DIPK2A: variants seen among roughly 807,000 people sequenced by gnomAD.
DIPK2A encodes Golgi Protein of 49 kDa.
Under a neutral mutation model 39.0 loss-of-function variants are expected in DIPK2A, and 27 were observed. The observed-to-expected ratio is 0.69, with a 90% CI of 0.51 to 0.96. DIPK2A has a LOEUF of 0.96. Ranked by LOEUF, DIPK2A falls within the 40% of genes least tolerant of loss-of-function variation. DIPK2A has a pLI of 0.00. For missense variants in DIPK2A, 528 were observed against 571.3 expected (o/e 0.92, Z 0.77); for synonymous variants, 298 against 240.8 (o/e 1.24, Z -2.20).
At chr3:143,988,565 C>CT (rs1374385792) in intron 2 of DIPK2A, among the ~76,000 whole-genome samples, 2 of 152,124 alleles carry the variant, frequency 1.3e-5, no homozygotes, top group African/African-American at 4.8e-5. Context: ...CCCTATACAG[C>CT]TAGCTATTTG....
rs896344627 is a variant in DIPK2A, at chr3:143,972,099, G to A, written c.-234G>A. Reference sequence around the variant, plus strand: ...GGAGTCGGAGGGCGGGGAGCTAGGAGGAGGGAGCTCGAGAGTTGTGGAGAC... The same window carrying A: ...GGAGTCGGAGGGCGGGGAGCTAGGAAGAGGGAGCTCGAGAGTTGTGGAGAC... On this transcript the variant is annotated 5_prime_UTR_variant, in exon 1 of 3. Coordinates refer to ENST00000315691, the MANE Select transcript of DIPK2A (RefSeq NM_173552.5). 3 of 393,248 alleles carry A rather than the reference G, an allele frequency of 7.6e-6. No homozygotes were observed. Among genetic ancestry groups the A allele is most frequent in the South Asian group, 1.3e-4 (1 of 7,508 alleles). 24.4% of individuals were successfully genotyped at this position (393,248 alleles called of 1,614,324 possible). A position where few individuals can be genotyped will look rare whatever the true frequency, so the allele number is the denominator to read the frequency against.
At chr3:143,987,448 A>T (rs370886144) in intron 2 of DIPK2A, among the ~76,000 whole-genome samples, 1 of 152,076 alleles carries the variant, frequency 6.6e-6, no homozygotes, top group African/African-American at 2.4e-5. Flanking sequence ...TTTCTTTTCA[A>T]ATGTCTCATG....
chr3:143,972,272 T>G lies in DIPK2A; in HGVS notation c.-61T>G. 7.5e-7 allele frequency: 1 copy of G among 1,332,620 alleles called. No individual in the cohort carries two copies. The highest frequency in any genetic ancestry group is 9.6e-7 in the Non-Finnish European group (1 of 1,044,208). The allele number at this position is 1,332,620 out of a possible 1,614,324, so 82.5% of individuals were successfully genotyped here. A position where few individuals can be genotyped will look rare whatever the true frequency, so the allele number is the denominator to read the frequency against. On this transcript the variant is annotated 5_prime_UTR_variant, in exon 1 of 3. Coordinates refer to ENST00000315691, the MANE Select transcript of DIPK2A (RefSeq NM_173552.5). ...GTTCCTGCCGGTAGCTCTCCGGGTC[T>G]TGGCGCGGCGGGGGCGCCCCGGGGG...
At position 143,989,761 on chromosome 3, in the gene DIPK2A, C is replaced by G; in HGVS notation, c.1213C>G (p.Pro405Ala). The G allele has an allele frequency of 6.2e-7, 1 of 1,614,186 alleles. No homozygotes were observed. The highest frequency in any genetic ancestry group is 2.2e-5 in the East Asian group (1 of 44,888). ...GGCCTTGCTGGATGAGTGTGCCAAC[C>G]CAAAGAAGCGCTATGGCAGATTCCA... is the stretch of plus-strand genomic sequence containing the variant. ...LEALLDECAN[P>A]KKRYGRFQAA... The change falls in exon 3 of 3, where the codon CCA becomes GCA. Residue 405 changes from proline (P) to alanine (A), a missense_variant. By Grantham distance (27) the Pro-to-Ala change is conservative. Coordinates refer to ENST00000315691, the MANE Select transcript of DIPK2A (RefSeq NM_173552.5).
rs1165933265 is a variant in DIPK2A at position 143,972,876 on chromosome 3, C to T, written c.544C>T (p.Arg182Cys). 3 of 1,576,868 alleles carry T rather than the reference C, an allele frequency of 1.9e-6. No homozygotes were observed. Among genetic ancestry groups the T allele is most frequent in the Non-Finnish European group, 2.6e-6 (3 of 1,163,756 alleles). Residue 182 changes from arginine (R) to cysteine (C), a missense_variant, in exon 1 of 3, where the codon CGC (arginine) becomes TGC (cysteine). By Grantham distance (180) the Arg-to-Cys change is radical. Coordinates refer to ENST00000315691, the MANE Select transcript of DIPK2A (RefSeq NM_173552.5). The stretch of plus-strand genomic sequence containing the variant: ...GCGCCTTCTCGACCGCCTGGTGCGC[C>T]GCTACGCGGAGACCAAGGACTCGGG... ...SQRLLDRLVR[R>C]YAETKDSGSF...
At position 143,976,584 on chromosome 3, in the gene DIPK2A, G is replaced by GAA. The variant is rs3083098; in HGVS notation, c.657+3596_657+3597insAA. Among the ~76,000 whole-genome samples, 506 of 139,572 alleles carry GAA rather than the reference G, an allele frequency of 3.6e-3. 5 individuals are homozygous for GAA. The highest frequency in any genetic ancestry group is 7.7e-3 in the African/African-American group (272 of 35,354). The allele number at this position is 139,572 out of a possible 152,430, so 91.6% of individuals were successfully genotyped here. On this transcript the variant is annotated intron_variant, in intron 1 of 2. Transcript: ENST00000315691. ...AGAGAGAGAGAGAGAGAGAGAGAGA[G>GAA]ATGCTGTCTGGATTTGTTGAAGTTC...
At chr3:143,976,584 G>GAGAGAGAGAGAGAGA (rs3083098) in intron 1 of DIPK2A, among the ~76,000 whole-genome samples, 3 of 139,512 alleles carry the variant, frequency 2.2e-5, no homozygotes, top group African/African-American at 8.5e-5. Flanking sequence ...GAGAGAGAGA[G>GAGAGAGAGAGAGAGA]ATGCTGTCTG....
intron 1 of DIPK2A, among the ~76,000 whole-genome samples, chr3:143,974,700 G>T (rs2087705465): frequency 6.6e-6 from 1 of 151,820 alleles, no homozygotes; most frequent in Admixed American, 6.6e-5. Flanking sequence ...CCTACCGAAA[G>T]ATTTTTTTTT....
At position 143,989,784 on chromosome 3, in the gene DIPK2A, C is replaced by G; in HGVS notation, c.1236C>G (p.Phe412Leu). Residue 412 changes from phenylalanine to leucine, a missense_variant, in exon 3 of 3, where the codon TTC becomes TTG. By Grantham distance (22) the Phe-to-Leu change is conservative (BLOSUM62 0). Transcript: ENST00000315691. ...CANPKKRYGR[F>L]QAAKELREYL... is the part of the protein sequence containing the mutation. ...ACCCAAAGAAGCGCTATGGCAGATT[C>G]CAGGCTGCAAAAGAACTGCGTGAAT... is the stretch of plus-strand genomic sequence containing the variant. The G allele has an allele frequency of 1.2e-6, 2 of 1,614,156 alleles. No individual in the cohort carries two copies. The highest frequency in any genetic ancestry group is 2.2e-5 in the East Asian group (1 of 44,886).
In DIPK2A at chr3:143,989,962, A is replaced by G. The variant is rs1229794633; in HGVS notation, c.*121A>G. 4.3e-6 allele frequency: 3 copies of G among 695,142 alleles called. No homozygotes were observed. Among genetic ancestry groups the G allele is most frequent in the Non-Finnish European group, 7.2e-6 (3 of 415,668 alleles). 43.1% of individuals were successfully genotyped at this position (695,142 alleles called of 1,614,324 possible). A position where few individuals can be genotyped will look rare whatever the true frequency, so the allele number is the denominator to read the frequency against. On this transcript the variant is annotated 3_prime_UTR_variant, in exon 3 of 3. Coordinates refer to ENST00000315691, the MANE Select transcript of DIPK2A (RefSeq NM_173552.5). Reference sequence around the variant, plus strand: ...TACATTCAGAGGATGATAAACTTGCACTGATAGATCTTAATGTTAACATCC... The same window carrying G: ...TACATTCAGAGGATGATAAACTTGCGCTGATAGATCTTAATGTTAACATCC...
Position 143,972,835 on chromosome 3 carries a change from T to G in DIPK2A, c.503T>G (p.Val168Gly), listed in dbSNP as rs773000401. 6.4e-7 allele frequency: 1 copy of G among 1,566,864 alleles called. No individual in the cohort carries two copies. The highest frequency in any genetic ancestry group is 1.2e-5 in the South Asian group (1 of 86,340). ...GCGGTGGAGGGCTGGTCGGACCTGG[T>G]GCACTGCCCCTCGCAGCGCCTTCTC... ...PEAVEGWSDL[V>G]HCPSQRLLDR... is the part of the protein sequence containing the mutation. Residue 168 changes from valine (V) to glycine (G), a missense_variant, in exon 1 of 3, where the codon GTG (valine) becomes GGG (glycine). This residue lies in a region of DIPK2A where 309 missense variants were observed against 289.8 expected (regional missense o/e 1.07). Transcript: ENST00000315691.
In DIPK2A at chr3:143,972,905, C is replaced by T; in HGVS notation, c.573C>T (p.Ser191=). The T allele has an allele frequency of 6.3e-7, 1 of 1,584,940 alleles. No homozygotes were observed. Among genetic ancestry groups the T allele is most frequent in the Non-Finnish European group, 8.6e-7 (1 of 1,167,748 alleles). The change falls in exon 1 of 3, where the codon AGC becomes AGT. Residue 191 remains serine (S), a synonymous_variant. Transcript: ENST00000315691. ...RRYAETKDSG[S]FLLRNLKDSE... ...ACGCGGAGACCAAGGACTCGGGCAG[C>T]TTCCTGCTTCGCAACCTCAAGGACT... is the stretch of plus-strand genomic sequence containing the variant.
intron 1 of DIPK2A, among the ~76,000 whole-genome samples, chr3:143,979,764 G>C (rs2087802333): frequency 1.3e-5 from 2 of 151,992 alleles, no homozygotes; most frequent in Non-Finnish European, 2.9e-5. Flanking sequence ...ATTAAATTTA[G>C]TTTTTAAAAT....
rs1231707701 is a variant in DIPK2A, at chr3:143,991,026, C to T, written c.*1185C>T. 2 of 152,338 alleles carry T rather than the reference C, an allele frequency of 1.3e-5. No individual in the cohort carries two copies. Among genetic ancestry groups the T allele is most frequent in the Non-Finnish European group, 2.9e-5 (2 of 67,994 alleles). The allele number at this position is 152,338 out of a possible 1,614,324, so 9.4% of individuals were successfully genotyped here. ...GGAACTAATCATTATTACTATAAAG[C>T]ATACAAATTAGCCAGTCAGCACACT... On this transcript the variant is annotated 3_prime_UTR_variant, in exon 3 of 3. Transcript: ENST00000315691.
At position 143,972,246 on chromosome 3, in the gene DIPK2A, G is replaced by C. The variant is rs1000942739; in HGVS notation, c.-87G>C. On this transcript the variant is annotated 5_prime_UTR_variant, in exon 1 of 3. Coordinates refer to ENST00000315691, the MANE Select transcript of DIPK2A (RefSeq NM_173552.5). Reference sequence around the variant, plus strand: ...CGCGCTAGCTCCTTCTCTCGCCCGGGGTTCCTGCCGGTAGCTCTCCGGGTC... The same window carrying C: ...CGCGCTAGCTCCTTCTCTCGCCCGGCGTTCCTGCCGGTAGCTCTCCGGGTC... 1.4e-5 allele frequency: 17 copies of C among 1,228,808 alleles called. No individual in the cohort carries two copies. The highest frequency in any genetic ancestry group is 1.8e-5 in the Non-Finnish European group (17 of 952,016). The allele number at this position is 1,228,808 out of a possible 1,614,324, so 76.1% of individuals were successfully genotyped here.
chr3:143,981,415 G>T (rs1374966293), intron 1 of DIPK2A, among the ~76,000 whole-genome samples: 2 of 152,108 alleles, frequency 1.3e-5, no homozygotes, highest in Non-Finnish European at 2.9e-5. Flanking sequence ...TTTCACTGCA[G>T]CTGCTTTGGT....
Position 143,991,125 on chromosome 3 carries a change from T to TTAAAAAATGTTACAG in DIPK2A, c.*1286_*1287insAAAAATGTTACAGTA, listed in dbSNP as rs11276482. The TTAAAAAATGTTACAG allele has an allele frequency of 0.56, 85,494 of 152,298 alleles. 26,477 individuals carry two copies. The highest frequency in any genetic ancestry group is 0.84 in the African/African-American group (34,998 of 41,450). The allele number at this position is 152,298 out of a possible 1,614,324, so 9.4% of individuals were successfully genotyped here. Reference sequence around the variant, plus strand: ...ATTTGCATAGAAATGTGTGGGCTCTTTATATAAGTTGACTATCACTAACAG... The same window carrying TTAAAAAATGTTACAG: ...ATTTGCATAGAAATGTGTGGGCTCTTTAAAAAATGTTACAGTATATAAGTTGACTATCACTAACAG... On this transcript the variant is annotated 3_prime_UTR_variant, in exon 3 of 3. Coordinates refer to ENST00000315691, the MANE Select transcript of DIPK2A (RefSeq NM_173552.5).
rs1378423402 is a variant in DIPK2A, at chr3:143,989,609, C to A, written c.1061C>A (p.Ala354Asp). 6 of 1,614,050 alleles carry A rather than the reference C, an allele frequency of 3.7e-6. No homozygotes were observed. The highest frequency in any genetic ancestry group is 5.1e-6 in the Non-Finnish European group (6 of 1,180,008). Reference protein sequence around the residue: ...SFSKEILCARATVDHNYYAVC... With the variant: ...SFSKEILCARDTVDHNYYAVC... ...TCAAAAGAAATTCTTTGTGCTCGTG[C>A]CACTGTGGACCACAATTACTATGCT... is the stretch of plus-strand genomic sequence containing the variant. The change falls in exon 3 of 3, where the codon GCC becomes GAC. Residue 354 changes from alanine (A) to aspartate (D), a missense_variant. Ala to Asp is a moderately radical substitution (Grantham distance 126). Coordinates refer to ENST00000315691, the MANE Select transcript of DIPK2A (RefSeq NM_173552.5).
intron 1 of DIPK2A, among the ~76,000 whole-genome samples, chr3:143,983,226 A>G (rs1012495493): frequency 6.6e-6 from 1 of 152,204 alleles, no homozygotes; most frequent in African/African-American, 2.4e-5. Context: ...AAGTGGACCT[A>G]ATAGACATCT....
Sources: allele counts gnomAD v4.1 joint callset (sites outside exome capture counted in the v4.1 genomes callset), GRCh38; gene constraint gnomAD v4.1.1; regional missense constraint gnomAD v4.1.1; transcripts MANE v1.5; gene names NCBI Gene and HGNC (gene_info 2026-07-23, HGNC 2026-07-21).